The following NF1 variants were observed in gnomAD, a reference collection of about 807,000 sequenced individuals.
The protein encoded by NF1 is neurofibromin.
NF1 carries 122 observed loss-of-function variants against 325.7 expected under a neutral mutation model. That is an observed-to-expected ratio of 0.37 (90% CI 0.32 to 0.44). The LOEUF is 0.44. Ranked by LOEUF, NF1 falls within the 20% of genes least tolerant of loss-of-function variation. The pLI is 1.00. For synonymous variants in NF1, 1,091 were observed against 1,186.0 expected (o/e 0.92, Z 1.65); for missense variants, 2,140 against 3,415.4 (o/e 0.63, Z 9.31).
intron 42 of NF1, among the ~76,000 whole-genome samples, chr17:31,337,118 C>T (rs2069696673): frequency 6.6e-6 from 1 of 152,164 alleles, no homozygotes; most frequent in African/African-American, 2.4e-5. Context: ...TCTATGCATA[C>T]TTGTCATGTA....
chr17:31,168,898 T>C (rs1441163456), intron 4 of NF1, among the ~76,000 whole-genome samples: 1 of 152,202 alleles, frequency 6.6e-6, no homozygotes, highest in African/African-American at 2.4e-5. Flanking sequence ...ATTCTTTATT[T>C]TAAAATTGTG....
intron 1 of NF1, among the ~76,000 whole-genome samples, chr17:31,151,501 G>A (rs1333285292): frequency 6.6e-6 from 1 of 152,160 alleles, no homozygotes; most frequent in Non-Finnish European, 1.5e-5. Flanking sequence ...AGCACAGTTT[G>A]TCATTGCTAT....
intron 1 of NF1, among the ~76,000 whole-genome samples, chr17:31,150,569 A>T (rs1308319206): frequency 1.3e-5 from 2 of 152,130 alleles, no homozygotes; most frequent in Admixed American, 1.3e-4. Flanking sequence ...TTTTACTCTC[A>T]GTTAATAACA....
chr17:31,170,421 G>A (rs891049062), intron 5 of NF1, among the ~76,000 whole-genome samples: 1 of 152,160 alleles, frequency 6.6e-6, no homozygotes, highest in African/African-American at 2.4e-5. Context: ...TGATGTTATG[G>A]TGAGAGGATG....
intron 1 of NF1, among the ~76,000 whole-genome samples, chr17:31,116,702 C>G (rs1439862450): frequency 6.6e-6 from 1 of 152,036 alleles, no homozygotes; most frequent in African/African-American, 2.4e-5. Flanking sequence ...GAGTCTTGCC[C>G]TGTCGCCCAG....
rs545824803 is a variant in NF1 at position 31,347,029 on chromosome 17, A to G, written c.7190-2091A>G. 2.0e-5 allele frequency among the ~76,000 whole-genome samples: 3 copies of G among 151,882 alleles called. No homozygotes were observed. In the South Asian group the frequency reaches 6.2e-4, roughly 32 times the overall value. On this transcript the variant is annotated intron_variant, in intron 48 of 57. Coordinates refer to ENST00000358273, the MANE Select transcript of NF1 (RefSeq NM_001042492.3). ...CACTGTTCCTTTCTTTTATTGTGAA[A>G]AAAAAAACCCCTGAAAGTCTTGGGA...
intron 10 of NF1, 124 bp downstream of exon 10, chr17:31,201,283 G>GT: frequency 1.0e-5 from 15 of 1,477,004 alleles, no homozygotes; most frequent in Non-Finnish European, 1.4e-5. Flanking sequence ...ATTGATGTTC[G>GT]TTTCAAGACC....
intron 35 of NF1, among the ~76,000 whole-genome samples, chr17:31,263,958 T>C (rs895629218): frequency 6.6e-6 from 1 of 152,212 alleles, no homozygotes; most frequent in Non-Finnish European, 1.5e-5. Context: ...CATTTGTTTC[T>C]CCTATCAAAT....
intron 46 of NF1, among the ~76,000 whole-genome samples, chr17:31,339,578 T>G (rs1393678274): frequency 1.3e-5 from 2 of 152,186 alleles, no homozygotes; most frequent in Non-Finnish European, 2.9e-5. Flanking sequence ...ATTCTAATTT[T>G]GTATTATACA....
chr17:31,294,764 AT>A (rs548663575), intron 36 of NF1: 92 of 546,300 alleles, frequency 1.7e-4, no homozygotes, highest in East Asian at 1.1e-3. Context: ...AAAACATTTC[AT>A]TTTTTTTATA....
intron 43 of NF1, 63 bp from the exon 44 acceptor site, chr17:31,337,756 A>G (rs1206292750): frequency 1.3e-6 from 2 of 1,545,168 alleles, no homozygotes; most frequent in African/African-American, 1.4e-5. Context: ...CATAATAAAC[A>G]TTATTTAAAC....
chr17:31,318,610 A>G lies in NF1; in HGVS notation c.4836-7210A>G, dbSNP rs765581208. ...TGCAATTATAATTAAGCAAATTAGC[A>G]TAGCCATGTTGTTGTTGTTTTCCGC... On this transcript the variant is annotated intron_variant, in intron 36 of 57. Transcript: ENST00000358273. 4 of 1,614,122 alleles carry G rather than the reference A, an allele frequency of 2.5e-6. No individual in the cohort carries two copies. In the South Asian group the frequency reaches 4.4e-5, roughly 18 times the overall value.
intron 1 of NF1, among the ~76,000 whole-genome samples, chr17:31,108,042 A>G (rs1913025803): frequency 6.6e-6 from 1 of 151,522 alleles, no homozygotes; most frequent in Admixed American, 6.6e-5. Context: ...CTGAGGTGGG[A>G]GGATGGCTTG....
chr17:31,154,080 GAGA>G (rs1917143341), intron 1 of NF1, among the ~76,000 whole-genome samples: 1 of 30,920 alleles, frequency 3.2e-5, no homozygotes, highest in African/African-American at 1.6e-4. Flanking sequence ...TTTTTTTTTT[GAGA>G]CAGAGTCTCT....
At chr17:31,110,956 G>A (rs756032335) in intron 1 of NF1, among the ~76,000 whole-genome samples, 3 of 151,934 alleles carry the variant, frequency 2.0e-5, no homozygotes, top group Admixed American at 6.6e-5. Flanking sequence ...TAAGTTCCAC[G>A]AGAGCAGGGC....
At chr17:31,209,897 C>T (rs939996821) in intron 12 of NF1, among the ~76,000 whole-genome samples, 2 of 152,208 alleles carry the variant, frequency 1.3e-5, no homozygotes, top group Non-Finnish European at 2.9e-5. Flanking sequence ...ATCCACCTGC[C>T]TCAGTCTCCC....
chr17:31,133,025 G>A (rs1915505588), intron 1 of NF1, among the ~76,000 whole-genome samples: 1 of 152,156 alleles, frequency 6.6e-6, no homozygotes, highest in Non-Finnish European at 1.5e-5. Flanking sequence ...CATCTTAACT[G>A]TTCCTAAGTG....
intron 36 of NF1, among the ~76,000 whole-genome samples, chr17:31,300,089 G>A (rs1470710224): frequency 1.3e-5 from 2 of 151,962 alleles, no homozygotes; most frequent in Non-Finnish European, 2.9e-5. Context: ...TACTAAAAGT[G>A]TATAGTAAAT....
At chr17:31,265,705 ACTATAAGAGC>A (rs1476057686) in intron 36 of NF1, among the ~76,000 whole-genome samples, 1 of 152,162 alleles carries the variant, frequency 6.6e-6, no homozygotes, top group Non-Finnish European at 1.5e-5. Context: ...AAGAAATAAA[ACTATAAGAGC>A]CTATTTCTGA....
Sources: gnomAD v4.1 joint callset for allele counts (sites outside exome capture counted in the v4.1 genomes callset) on GRCh38, gnomAD v4.1.1 for gene constraint, MANE v1.5 for transcripts, NCBI Gene and HGNC (gene_info 2026-07-23, HGNC 2026-07-21) for gene names.